Variants in CHRDL2 observed in about 807,000 individuals in gnomAD.
The protein encoded by CHRDL2 is chordin like 2.
CHRDL2 carries 41 observed loss-of-function variants against 54.3 expected under a neutral mutation model. The ratio of observed to expected loss-of-function variants is 0.76; its 90% CI spans 0.59 to 0.98. The LOEUF (loss-of-function observed/expected upper bound fraction) is 0.98. CHRDL2 is among the 50% of genes least tolerant of loss of function. CHRDL2 has a pLI of 0.00. For synonymous variants in CHRDL2, 220 were observed against 224.3 expected, an observed-to-expected ratio of 0.98 and a Z score of 0.17; for missense variants, 518 against 562.4, an observed-to-expected ratio of 0.92 and a Z score of 0.80.
intron 4 of CHRDL2, among the ~76,000 whole-genome samples, chr11:74,710,418 G>A (rs972602099): frequency 2.0e-5 from 3 of 152,132 alleles, no homozygotes; most frequent in Admixed American, 6.6e-5. Context: ...GGCAGGAGGA[G>A]TTTAAGTAGC....
chr11:74,706,650 C>T (rs2135246976), intron 5 of CHRDL2, 108 bp from the exon 6 acceptor site: 1 of 990,118 alleles, frequency 1.0e-6, no homozygotes, highest in East Asian at 2.4e-5. Flanking sequence ...GCCTGCTGTC[C>T]CATCTGCAGC....
intron 1 of CHRDL2, among the ~76,000 whole-genome samples, chr11:74,724,016 A>G (rs544395828): frequency 1.3e-5 from 2 of 152,288 alleles, no homozygotes; most frequent in South Asian, 2.1e-4. Flanking sequence ...GGCCTGGTAC[A>G]TGACTTAAAA....
At chr11:74,703,568 G>T in intron 7 of CHRDL2, 69 bp from the exon 8 acceptor site, 1 of 1,398,778 alleles carries the variant, frequency 7.1e-7, no homozygotes. Flanking sequence ...TGGTCCAGCA[G>T]CGGGTGGGGT....
intron 4 of CHRDL2, among the ~76,000 whole-genome samples, 165 bp downstream of exon 4, chr11:74,710,684 A>T (rs561127430): frequency 6.6e-6 from 1 of 152,340 alleles, no homozygotes; most frequent in South Asian, 2.1e-4. Flanking sequence ...CACCTGACCC[A>T]GCTAGGGACA....
At chr11:74,706,462 C>G (rs776836243) in intron 6 of CHRDL2, 25 bp downstream of exon 6, 1 of 1,612,984 alleles carries the variant, frequency 6.2e-7, no homozygotes, top group Admixed American at 1.7e-5. Flanking sequence ...TGTCCCGCAC[C>G]CCGTCAATAA....
chr11:74,716,560 G>GAAAA (rs1257578701), intron 2 of CHRDL2, among the ~76,000 whole-genome samples: 1 of 135,928 alleles, frequency 7.4e-6, no homozygotes. Flanking sequence ...AAAAAAAAAA[G>GAAAA]AAAGAAAAGA....
Position 74,710,773 on chromosome 11 carries a change from TC to T in CHRDL2, c.432+75del, listed in dbSNP as rs1370996900. On this transcript the variant is annotated intron_variant, in intron 4 of 10. Coordinates refer to ENST00000376332, the MANE Select transcript of CHRDL2 (RefSeq NM_001278473.3). ...TGGCCAGGAGGAACAATCCCCCCAG[TC>T]CGCAGTCCAGGCTACTATGTTCTTT... The T allele has an allele frequency of 4.6e-6, 7 of 1,511,816 alleles. No individual in the cohort carries two copies. The East Asian group carries it at 1.2e-4, about 26-fold the overall frequency. 93.7% of individuals were successfully genotyped at this position (1,511,816 alleles called of 1,614,324 possible). A position where few individuals can be genotyped will look rare whatever the true frequency, so the allele number is the denominator to read the frequency against.
intron 2 of CHRDL2, among the ~76,000 whole-genome samples, chr11:74,714,933 G>C (rs1406377848): frequency 6.6e-6 from 1 of 152,198 alleles, no homozygotes; most frequent in African/African-American, 2.4e-5. Flanking sequence ...AACTTCTCAG[G>C]AAAGTCATAG....
intron 2 of CHRDL2, among the ~76,000 whole-genome samples, chr11:74,714,805 T>C (rs2034298734): frequency 6.6e-6 from 1 of 152,128 alleles, no homozygotes; most frequent in Admixed American, 6.5e-5. Context: ...GATTCTGGCC[T>C]CGAAGGAGCC....
chr11:74,707,372 T>G (rs537459983), intron 5 of CHRDL2, among the ~76,000 whole-genome samples: 3 of 152,300 alleles, frequency 2.0e-5, no homozygotes, highest in African/African-American at 7.2e-5. Context: ...CTCCCCTACC[T>G]GAGTGCCACC....
In CHRDL2 at chr11:74,697,818, G is replaced by GAGGA. The variant is rs1162345731; in HGVS notation, c.1121-525_1121-522dup. 9.9e-6 allele frequency: 3 copies of GAGGA among 303,344 alleles called. No homozygotes were observed. In the Admixed American group the frequency reaches 1.4e-4, roughly 14 times the overall value. 18.8% of individuals were successfully genotyped at this position (303,344 alleles called of 1,614,324 possible). On this transcript the variant is annotated intron_variant, in intron 9 of 10. Transcript: ENST00000376332. ...GAAAAAGGAAAGGAGGGCAGGAAGG[G>GAGGA]AGGAAGGAAGGTTGGCTGGCTCATG... is the stretch of plus-strand genomic sequence containing the variant.
intron 7 of CHRDL2, among the ~76,000 whole-genome samples, 167 bp from the exon 8 acceptor site, chr11:74,703,666 C>G (rs1211085224): frequency 6.6e-6 from 1 of 152,260 alleles, no homozygotes; most frequent in Non-Finnish European, 1.5e-5. Flanking sequence ...TGTCCCCTCT[C>G]CCTGACACTG....
intron 3 of CHRDL2, among the ~76,000 whole-genome samples, chr11:74,712,260 C>T (rs576966212): frequency 6.6e-6 from 1 of 152,076 alleles, no homozygotes; most frequent in East Asian, 1.9e-4. Flanking sequence ...CTAACTCAGC[C>T]GGGGAGGAAT....
chr11:74,709,971 C>T lies in CHRDL2; in HGVS notation c.432+878G>A, dbSNP rs528418837. 1.3e-3 allele frequency among the ~76,000 whole-genome samples: 205 copies of T among 152,280 alleles called. 1 individual carries two copies. The highest frequency in any genetic ancestry group is 4.7e-3 in the African/African-American group (196 of 41,546). ...GTGGCTCACGCCTGTAATCCCAGCA[C>T]TTTGGGAGGCCGAGGCGGGCAGATC... On this transcript the variant is annotated intron_variant, in intron 4 of 10. Coordinates refer to ENST00000376332, the MANE Select transcript of CHRDL2 (RefSeq NM_001278473.3).
At chr11:74,711,624 T>C (rs2034194576) in intron 3 of CHRDL2, among the ~76,000 whole-genome samples, 1 of 152,126 alleles carries the variant, frequency 6.6e-6, no homozygotes, top group Non-Finnish European at 1.5e-5. Flanking sequence ...CTACGCACCA[T>C]GCTAGGCATT....
Position 74,731,003 on chromosome 11 carries a change from G to C in CHRDL2, c.-115C>G, listed in dbSNP as rs571277205. On this transcript the variant is annotated 5_prime_UTR_variant, in exon 1 of 11. Transcript: ENST00000376332. This position sits in a 1 kb window ranked among gnomAD's most constrained non-coding sequence, Gnocchi z 4.4. The stretch of plus-strand genomic sequence containing the variant: ...ACCCACAGACCCCAGGAGGTCTGCT[G>C]CTAGAGCGGGGTCGGAGAAGGGCCA... The C allele has an allele frequency of 6.1e-6, 5 of 822,462 alleles. No homozygotes were observed. In the South Asian group the frequency reaches 7.0e-5, roughly 11 times the overall value. The allele number at this position is 822,462 out of a possible 1,614,324, so 50.9% of individuals were successfully genotyped here.
intron 5 of CHRDL2, among the ~76,000 whole-genome samples, chr11:74,707,846 C>T (rs1565151591): frequency 6.6e-6 from 1 of 152,102 alleles, no homozygotes; most frequent in South Asian, 2.1e-4. Flanking sequence ...TTAGCACCCA[C>T]CCATGCATGC....
Position 74,696,536 on chromosome 11 carries a change from G to A in CHRDL2, c.1263C>T (p.Ala421=). The A allele has an allele frequency of 6.2e-7, 1 of 1,614,106 alleles. No individual in the cohort carries two copies. Among genetic ancestry groups the A allele is most frequent in the Non-Finnish European group, 8.5e-7 (1 of 1,179,976 alleles). The change falls in exon 11 of 11, where the codon GCC becomes GCT. Residue 421 remains alanine, a synonymous_variant. Coordinates refer to ENST00000376332, the MANE Select transcript of CHRDL2 (RefSeq NM_001278473.3). ...LAQTLELKVT[A]SPDKVTKT ...ATGTCTTGGTCACTTTGTCTGGACT[G>A]GCCGTGACCTTCAGCTCCAGGGTCT...
chr11:74,731,410 C>G lies in CHRDL2; in HGVS notation c.-522G>C, dbSNP rs1053262176. The G allele has an allele frequency of 1.3e-5, 2 of 151,196 alleles. No individual in the cohort carries two copies. Among genetic ancestry groups the G allele is most frequent in the Non-Finnish European group, 3.0e-5 (2 of 67,542 alleles). 9.4% of individuals were successfully genotyped at this position (151,196 alleles called of 1,614,324 possible). ...CCGCGGAGGGAGGCTGAGCGCGGGCCGGCTGTGCTCGCCAAGGGCTTCAGG... is the reference window on the plus strand; with the variant it reads ...CCGCGGAGGGAGGCTGAGCGCGGGCGGGCTGTGCTCGCCAAGGGCTTCAGG... On this transcript the variant is annotated 5_prime_UTR_variant, in exon 1 of 11. Transcript: ENST00000376332. This position sits in a 1 kb window ranked among gnomAD's most constrained non-coding sequence, Gnocchi z 4.4.
Sources: gnomAD v4.1 joint callset for allele counts (sites outside exome capture counted in the v4.1 genomes callset) on GRCh38, gnomAD v4.1.1 for gene constraint, Gnocchi (gnomAD v3.1) non-coding constraint, MANE v1.5 for transcripts, NCBI Gene and HGNC (gene_info 2026-07-23, HGNC 2026-07-21) for gene names.